Variants in PCDH15 observed in about 807,000 individuals in gnomAD.
The protein encoded by PCDH15 is protocadherin-15.
In PCDH15, 129 loss-of-function variants were observed where a neutral mutation model predicts 178.5. That is an observed-to-expected ratio of 0.72 (90% CI 0.63 to 0.84). The LOEUF is 0.84. Among genes scored for constraint, PCDH15 ranks in the 40% least tolerant of loss-of-function variants. The pLI is 0.00. For missense variants in PCDH15, 2,230 were observed against 2,099.9 expected (o/e 1.06, Z -1.21); for synonymous variants, 800 against 732.0 (o/e 1.09, Z -1.50).
chr10:54,957,767 G>T (rs947400506), intron 2 of PCDH15, among the ~76,000 whole-genome samples: 4 of 151,610 alleles, frequency 2.6e-5, no homozygotes, highest in Non-Finnish European at 5.9e-5. Context: ...GCAGTTAAAA[G>T]GTGAAACTTA....
At chr10:54,049,652 G>A (rs1240206664) in intron 18 of PCDH15, among the ~76,000 whole-genome samples, 2 of 149,136 alleles carry the variant, frequency 1.3e-5, no homozygotes, top group East Asian at 2.0e-4. Flanking sequence ...ACGGAGTCTC[G>A]CTCTGTCACC....
chr10:54,036,224 G>T (rs919370883), intron 18 of PCDH15, among the ~76,000 whole-genome samples: 2 of 152,102 alleles, frequency 1.3e-5, no homozygotes, highest in Admixed American at 1.3e-4. Flanking sequence ...TTTGTAGAGG[G>T]TGGCTACGCT....
chr10:54,906,678 C>T (rs548528743), intron 2 of PCDH15, among the ~76,000 whole-genome samples: 1 of 152,128 alleles, frequency 6.6e-6, no homozygotes, highest in South Asian at 2.1e-4. Flanking sequence ...AGAGAGAGTG[C>T]CCAACATTTT....
chr10:54,339,974 C>G (rs1220930556), intron 6 of PCDH15, among the ~76,000 whole-genome samples: 1 of 152,076 alleles, frequency 6.6e-6, no homozygotes, highest in African/African-American at 2.4e-5. Flanking sequence ...TAGTTGAGTC[C>G]AATATCTCTC....
intron 8 of PCDH15, among the ~76,000 whole-genome samples, chr10:54,271,035 T>C (rs1444314805): frequency 6.6e-6 from 1 of 152,140 alleles, no homozygotes; most frequent in Non-Finnish European, 1.5e-5. Flanking sequence ...TATCAGAGAA[T>C]TTCATGAAAA....
rs559653870 is a variant in PCDH15 at position 55,135,019 on chromosome 10, T to C, written c.-80+31557A>G. ...ATCTTAGTTTTAAACAACAGTTGTT[T>C]ATGTGATCACTCCTATATAAGCGCC... On this transcript the variant is annotated intron_variant, in intron 2 of 5. Transcript: ENST00000458638. Among the ~76,000 whole-genome samples the C allele has an allele frequency of 2.9e-4, 44 of 152,286 alleles. No individual in the cohort carries two copies. In the South Asian group the frequency reaches 8.3e-3, roughly 29 times the overall value.
intron 8 of PCDH15, among the ~76,000 whole-genome samples, chr10:54,288,725 TC>T (rs1310040668): frequency 6.6e-6 from 1 of 152,232 alleles, no homozygotes; most frequent in African/African-American, 2.4e-5. Flanking sequence ...TGTGCCTGGC[TC>T]GTCAGGTCCC....
At chr10:54,449,840 A>T (rs112681867) in intron 3 of PCDH15, among the ~76,000 whole-genome samples, 2,178 of 151,742 alleles carry the variant, frequency 0.014, 57 homozygotes, top group African/African-American at 0.05. Context: ...GGGGGATGGG[A>T]GGTAGGGCGG....
intron 6 of PCDH15, among the ~76,000 whole-genome samples, chr10:54,331,146 T>C (rs549793829): frequency 8.1e-6 from 1 of 122,912 alleles, no homozygotes; most frequent in Admixed American, 8.6e-5. Context: ...AAGAGTCACA[T>C]AAGAAGTTAA....
chr10:55,185,492 T>C lies in PCDH15; in HGVS notation c.-155-18841A>G, dbSNP rs186292876. On this transcript the variant is annotated intron_variant, in intron 1 of 5. Transcript: ENST00000458638. The stretch of plus-strand genomic sequence containing the variant: ...ATCTTTTGAAGCTTCTAGTAAGTTT[T>C]AGTTATCAAGAATAAAGATTGCTAG... 4.5e-3 allele frequency among the ~76,000 whole-genome samples: 683 copies of C among 151,900 alleles called. 3 individuals are homozygous for C. Among genetic ancestry groups the C allele is most frequent in the African/African-American group, 0.016 (649 of 41,542 alleles).
At chr10:54,176,674 G>A (rs765747177) in intron 13 of PCDH15, among the ~76,000 whole-genome samples, 4 of 152,106 alleles carry the variant, frequency 2.6e-5, no homozygotes, top group East Asian at 1.9e-4. Context: ...GGAGGGTGAG[G>A]ATCTGTTCTG....
At chr10:55,103,444 A>G (rs1049525086) in intron 2 of PCDH15, among the ~76,000 whole-genome samples, 1 of 152,042 alleles carries the variant, frequency 6.6e-6, no homozygotes, top group Non-Finnish European at 1.5e-5. Flanking sequence ...CTTTGCCTCA[A>G]TGCCTCACCC....
Position 54,786,172 on chromosome 10 carries a change from G to A in PCDH15, c.-29+14753C>T, listed in dbSNP as rs796600861. On this transcript the variant is annotated intron_variant, in intron 1 of 37. Transcript: ENST00000644397. ...CTTTTAGAATATATGACACAAAACC[G>A]GCAGCTTGATGAGAGCATAGCAGTC... Among the ~76,000 whole-genome samples the A allele has an allele frequency of 4.6e-5, 7 of 151,924 alleles. No homozygotes were observed. The East Asian group carries it at 7.7e-4, about 17-fold the overall frequency.
intron 3 of PCDH15, among the ~76,000 whole-genome samples, chr10:54,821,566 C>G (rs946987360): frequency 6.6e-6 from 1 of 152,046 alleles, no homozygotes; most frequent in African/African-American, 2.4e-5. Flanking sequence ...AGGGACCACA[C>G]ATGACACAGA....
At chr10:54,754,976 A>AGG (rs773543602) in intron 1 of PCDH15, among the ~76,000 whole-genome samples, 1 of 113,256 alleles carries the variant, frequency 8.8e-6, no homozygotes, top group Admixed American at 1.1e-4. Flanking sequence ...TGGGAGACAG[A>AGG]CTCACTCTGT....
chr10:54,320,033 A>G (rs1222166138), intron 7 of PCDH15, among the ~76,000 whole-genome samples: 1 of 152,116 alleles, frequency 6.6e-6, no homozygotes, highest in Non-Finnish European at 1.5e-5. Context: ...GCTTAAAAAA[A>G]CACAAAATGT....
At chr10:55,067,406 G>T (rs1841594271) in intron 2 of PCDH15, among the ~76,000 whole-genome samples, 1 of 151,934 alleles carries the variant, frequency 6.6e-6, no homozygotes, top group Admixed American at 6.6e-5. Flanking sequence ...CAAGTGACAT[G>T]ATTTTATTCT....
At chr10:54,426,651 TG>T (rs1358579339) in intron 3 of PCDH15, among the ~76,000 whole-genome samples, 1 of 152,038 alleles carries the variant, frequency 6.6e-6, no homozygotes, top group Non-Finnish European at 1.5e-5. Flanking sequence ...TCTAGCTACC[TG>T]AAAATTAGAT....
chr10:55,161,612 TA>T (rs1300848657), intron 2 of PCDH15, among the ~76,000 whole-genome samples: 1 of 152,174 alleles, frequency 6.6e-6, no homozygotes, highest in Non-Finnish European at 1.5e-5. Flanking sequence ...AGGAAGGTTA[TA>T]AAACAATGTT....
Sources: gnomAD v4.1 joint callset for allele counts (sites outside exome capture counted in the v4.1 genomes callset) on GRCh38, gnomAD v4.1.1 for gene constraint, MANE v1.5 for transcripts, NCBI Gene and HGNC (gene_info 2026-07-23, HGNC 2026-07-21) for gene names.